GDAP1: variants seen among roughly 807,000 people sequenced by gnomAD.
GDAP1 encodes ganglioside induced differentiation associated protein 1.
In GDAP1, 34 loss-of-function variants were observed where a neutral mutation model predicts 40.1. The observed-to-expected ratio is 0.85, with a 90% CI of 0.64 to 1.13. GDAP1 has a LOEUF of 1.13. GDAP1 is among the 50% of genes most tolerant of loss of function. GDAP1 has a pLI of 0.00. For synonymous variants in GDAP1, 170 were observed against 157.4 expected (o/e 1.08, Z -0.60); for missense variants, 374 against 433.7 (o/e 0.86, Z 1.22).
At chr8:74,354,737 T>C (rs1194884617) in intron 2 of GDAP1, among the ~76,000 whole-genome samples, 1 of 152,252 alleles carries the variant, frequency 6.6e-6, no homozygotes, top group Non-Finnish European at 1.5e-5. Context: ...GTAAATTTTG[T>C]TGAGAACAGG....
At chr8:74,477,873 T>C (rs1806651502) in intron 2 of GDAP1, among the ~76,000 whole-genome samples, 1 of 152,086 alleles carries the variant, frequency 6.6e-6, no homozygotes, top group Non-Finnish European at 1.5e-5. Context: ...ATGTTCACAG[T>C]AGTCGCATTA....
intron 2 of GDAP1, among the ~76,000 whole-genome samples, chr8:74,458,470 G>C (rs1035087197): frequency 5.3e-5 from 8 of 152,138 alleles, no homozygotes; most frequent in Non-Finnish European, 1.0e-4. Context: ...TGAATGTCCT[G>C]GTTTGATCTG....
At chr8:74,372,686 A>G (rs1352813387) in intron 2 of GDAP1, among the ~76,000 whole-genome samples, 4 of 152,114 alleles carry the variant, frequency 2.6e-5, no homozygotes, top group Non-Finnish European at 4.4e-5. Context: ...AGATGAGTAG[A>G]TTGCAAAAAT....
intron 4 of GDAP1, 99 bp from the exon 5 acceptor site, chr8:74,362,840 A>G: frequency 2.0e-6 from 1 of 505,558 alleles, no homozygotes; most frequent in South Asian, 2.3e-5. Flanking sequence ...TGTCTAAAAT[A>G]GGCTGAACTC....
chr8:74,382,165 A>G (rs1441021683), intron 2 of GDAP1, among the ~76,000 whole-genome samples: 1 of 152,082 alleles, frequency 6.6e-6, no homozygotes, highest in African/African-American at 2.4e-5. Flanking sequence ...AAATTGTCCT[A>G]TCTTTGGCCA....
At chr8:74,386,177 G>C (rs1420647029) in intron 2 of GDAP1, among the ~76,000 whole-genome samples, 1 of 152,138 alleles carries the variant, frequency 6.6e-6, no homozygotes, top group Non-Finnish European at 1.5e-5. Flanking sequence ...TTGCTGTGCA[G>C]AAGCTCTTTA....
chr8:74,411,300 TAGA>T (rs2131553921), intron 2 of GDAP1, among the ~76,000 whole-genome samples: 1 of 149,924 alleles, frequency 6.7e-6, no homozygotes, highest in African/African-American at 2.5e-5. Flanking sequence ...GTGGTATCCT[TAGA>T]AATATCACTC....
At chr8:74,440,330 T>C (rs908847952) in intron 2 of GDAP1, among the ~76,000 whole-genome samples, 4 of 152,166 alleles carry the variant, frequency 2.6e-5, no homozygotes, top group African/African-American at 7.2e-5. Context: ...TAATAGAAGC[T>C]CTTTTAACCT....
intron 2 of GDAP1, among the ~76,000 whole-genome samples, chr8:74,427,155 C>G (rs1805958103): frequency 6.6e-6 from 1 of 152,168 alleles, no homozygotes; most frequent in South Asian, 2.1e-4. Context: ...TGTGAAGAAG[C>G]CTGTATTGGC....
intron 2 of GDAP1, among the ~76,000 whole-genome samples, chr8:74,474,525 G>A (rs1306526992): frequency 6.6e-6 from 1 of 152,138 alleles, no homozygotes; most frequent in African/African-American, 2.4e-5. Context: ...TTTATTGAAA[G>A]CCTTTTCTGC....
chr8:74,423,293 G>T (rs2131560693), intron 2 of GDAP1, among the ~76,000 whole-genome samples: 1 of 145,892 alleles, frequency 6.9e-6, no homozygotes, highest in African/African-American at 2.5e-5. Context: ...TATGATATGT[G>T]ATATGTATAC....
intron 2 of GDAP1, among the ~76,000 whole-genome samples, chr8:74,380,752 G>A (rs2131537165): frequency 6.6e-6 from 1 of 152,186 alleles, no homozygotes; most frequent in Non-Finnish European, 1.5e-5. Context: ...TAAGTCTGTG[G>A]AACGGACAAT....
At chr8:74,399,270 AG>A (rs1289275593) in intron 2 of GDAP1, among the ~76,000 whole-genome samples, 5 of 149,940 alleles carry the variant, frequency 3.3e-5, no homozygotes, top group Non-Finnish European at 7.3e-5. Context: ...TTCCTGGTTT[AG>A]TCTTGGGAGG....
chr8:74,365,447 G>A lies in GDAP1; in HGVS notation c.*1080G>A, dbSNP rs766481914. The A allele has an allele frequency of 4.0e-5, 18 of 453,810 alleles. No individual in the cohort carries two copies. Among genetic ancestry groups the A allele is most frequent in the Non-Finnish European group, 7.1e-5 (16 of 226,766 alleles). 28.1% of individuals were successfully genotyped at this position (453,810 alleles called of 1,614,324 possible). A position where few individuals can be genotyped will look rare whatever the true frequency, so the allele number is the denominator to read the frequency against. On this transcript the variant is annotated 3_prime_UTR_variant, in exon 6 of 6. Coordinates refer to ENST00000220822, the MANE Select transcript of GDAP1 (RefSeq NM_018972.4). ...CAGTTCATGTGGAAGGGACAGTCTC[G>A]GTGTGTCCCATGAATAACCTTGGAA... is the stretch of plus-strand genomic sequence containing the variant.
chr8:74,350,417 T>G lies in GDAP1; in HGVS notation c.-45T>G, dbSNP rs777692390. 3.3e-6 allele frequency: 4 copies of G among 1,230,548 alleles called. No homozygotes were observed. Among genetic ancestry groups the G allele is most frequent in the Non-Finnish European group, 4.8e-6 (4 of 836,164 alleles). 76.2% of individuals were successfully genotyped at this position (1,230,548 alleles called of 1,614,324 possible). On this transcript the variant is annotated 5_prime_UTR_variant, in exon 1 of 6. Transcript: ENST00000220822. ...TGCGGGGCAGTGTGGGAGGGAGAAGTCCAGGGCGGACAGGCTGGGCGCACC... is the reference window on the plus strand; with the variant it reads ...TGCGGGGCAGTGTGGGAGGGAGAAGGCCAGGGCGGACAGGCTGGGCGCACC...
chr8:74,417,757 C>CAAA (rs71269993), intron 2 of GDAP1, among the ~76,000 whole-genome samples: 18 of 75,886 alleles, frequency 2.4e-4, no homozygotes, highest in African/African-American at 9.3e-4. Context: ...AACTCCATCT[C>CAAA]AAAAAAAAAA....
At chr8:74,410,382 TAG>T (rs1427967586) in intron 2 of GDAP1, among the ~76,000 whole-genome samples, 1 of 150,178 alleles carries the variant, frequency 6.7e-6, no homozygotes, top group Admixed American at 6.6e-5. Flanking sequence ...ATAACTAAAT[TAG>T]AGTCAGTTAC....
chr8:74,430,680 T>C (rs1029736049), intron 2 of GDAP1, among the ~76,000 whole-genome samples: 2 of 152,032 alleles, frequency 1.3e-5, no homozygotes, highest in Non-Finnish European at 1.5e-5. Context: ...ACTTGACTTC[T>C]GAGCTGCATA....
chr8:74,367,275 C>A (rs1809675505), downstream of GDAP1, among the ~76,000 whole-genome samples: 1 of 152,094 alleles, frequency 6.6e-6, no homozygotes, highest in African/African-American at 2.4e-5. Context: ...ATATTTTTGA[C>A]ATAGCTAATT....
Sources: gnomAD v4.1 joint callset for allele counts (sites outside exome capture counted in the v4.1 genomes callset) on GRCh38, gnomAD v4.1.1 for gene constraint, MANE v1.5 for transcripts, NCBI Gene and HGNC (gene_info 2026-07-23, HGNC 2026-07-21) for gene names.